Variants in LGALS9 observed in about 807,000 individuals in gnomAD.
The protein encoded by LGALS9 is galectin 9, also known as galectin-9.
A neutral mutation model predicts 35.9 loss-of-function variants in LGALS9; 26 were observed. The ratio of observed to expected loss-of-function variants is 0.72; its 90% CI spans 0.53 to 1.01. The LOEUF (loss-of-function observed/expected upper bound fraction) is 1.01. Ranked by LOEUF, LGALS9 falls within the 50% of genes least tolerant of loss-of-function variation. The probability of loss-of-function intolerance (pLI) is 0.00; values close to 1 mark genes in which losing one functional copy is unlikely to be tolerated. For missense variants in LGALS9, 347 were observed against 445.8 expected, an observed-to-expected ratio of 0.78 and a Z score of 1.99; for synonymous variants, 149 against 172.2, an observed-to-expected ratio of 0.87 and a Z score of 1.06.
chr17:27,643,760 G>T, intron 5 of LGALS9, 140 bp downstream of exon 5: 2 of 1,357,640 alleles, frequency 1.5e-6, no homozygotes, highest in Non-Finnish European at 2.0e-6. Context: ...GTCTCTGTCC[G>T]CTGGGCACCC....
chr17:27,642,620 A>T (rs1253654707), intron 4 of LGALS9, among the ~76,000 whole-genome samples: 4 of 151,932 alleles, frequency 2.6e-5, no homozygotes, highest in South Asian at 4.1e-4. Context: ...CCATCCTGGT[A>T]AGGAGGGCAT....
chr17:27,649,120 T>C lies in LGALS9; in HGVS notation c.*138T>C, dbSNP rs1905140502. ...ATGCAGAGGCCATGTCCTTGTCTGG[T>C]CCTGCTTCTGGCTACAGCCACCCTG... On this transcript the variant is annotated 3_prime_UTR_variant, in exon 11 of 11. Transcript: ENST00000395473. 6 of 1,390,942 alleles carry C rather than the reference T, an allele frequency of 4.3e-6. No homozygotes were observed. Among genetic ancestry groups the C allele is most frequent in the Non-Finnish European group, 4.9e-6 (5 of 1,015,282 alleles). The allele number at this position is 1,390,942 out of a possible 1,614,324, so 86.2% of individuals were successfully genotyped here.
intron 10 of LGALS9, among the ~76,000 whole-genome samples, chr17:27,648,480 CCT>C (rs1346636758): frequency 6.6e-6 from 1 of 151,994 alleles, no homozygotes; most frequent in East Asian, 1.9e-4. Flanking sequence ...ACATTTGTAC[CCT>C]GACTGCTTCG....
chr17:27,646,842 C>A (rs1279334075), intron 8 of LGALS9, among the ~76,000 whole-genome samples, 188 bp from the exon 9 acceptor site: 1 of 152,158 alleles, frequency 6.6e-6, no homozygotes, highest in Non-Finnish European at 1.5e-5. Flanking sequence ...TGTGTTTGGC[C>A]AAAGTTCCTT....
At chr17:27,642,969 G>A (rs1904634932) in intron 4 of LGALS9, among the ~76,000 whole-genome samples, 1 of 152,260 alleles carries the variant, frequency 6.6e-6, no homozygotes, top group African/African-American at 2.4e-5. Flanking sequence ...TCAAGAGGCT[G>A]AGGTGGGAGA....
intron 1 of LGALS9, among the ~76,000 whole-genome samples, chr17:27,636,991 T>C (rs1436936911): frequency 2.0e-5 from 3 of 152,106 alleles, no homozygotes; most frequent in Non-Finnish European, 4.4e-5. Context: ...CTCCCCCACC[T>C]GGCCATCTCA....
intron 2 of LGALS9, 141 bp from the exon 3 acceptor site, chr17:27,640,431 C>T (rs1427496534): frequency 8.0e-6 from 10 of 1,255,702 alleles, no homozygotes; most frequent in African/African-American, 3.0e-5. Flanking sequence ...AAAACAAAAA[C>T]GATGCCAACA....
At chr17:27,640,411 C>T in intron 2 of LGALS9, 161 bp from the exon 3 acceptor site, 1 of 1,055,870 alleles carries the variant, frequency 9.5e-7, no homozygotes, top group South Asian at 1.5e-5. Flanking sequence ...CACATTAGAT[C>T]CCAATTAGAA....
intron 10 of LGALS9, among the ~76,000 whole-genome samples, chr17:27,648,259 C>T (rs961486422): frequency 2.1e-4 from 32 of 152,220 alleles, no homozygotes; most frequent in African/African-American, 7.7e-4. Flanking sequence ...GAGCAACATA[C>T]TTTGATTTGT....
chr17:27,647,312 C>G lies in LGALS9; in HGVS notation c.801C>G (p.His267Gln). 1 of 1,614,186 alleles carries G rather than the reference C, an allele frequency of 6.2e-7. No homozygotes were observed. The highest frequency in any genetic ancestry group is 2.2e-5 in the East Asian group (1 of 44,880). Residue 267 changes from histidine (H) to glutamine (Q), a missense_variant, in exon 10 of 11, where the codon CAC becomes CAG. Coordinates refer to ENST00000395473, the MANE Select transcript of LGALS9 (RefSeq NM_009587.3). ...GCTCTGGGAACCACATCGCCTTCCA[C>G]CTGAACCCCCGTTTTGATGAGAATG... ...NLCSGNHIAF[H>Q]LNPRFDENAV...
intron 3 of LGALS9, chr17:27,641,032 T>C: frequency 1.5e-6 from 1 of 682,696 alleles, no homozygotes; most frequent in South Asian, 1.5e-5. Flanking sequence ...TATTTGGTGT[T>C]GTGTGTCTTT....
At chr17:27,646,225 A>C (rs1408703293) in intron 7 of LGALS9, among the ~76,000 whole-genome samples, 1 of 152,110 alleles carries the variant, frequency 6.6e-6, no homozygotes, top group Non-Finnish European at 1.5e-5. Flanking sequence ...CTGGCCCTGC[A>C]TCCTGGGTCC....
intron 1 of LGALS9, among the ~76,000 whole-genome samples, chr17:27,636,755 G>T (rs1272394362): frequency 1.3e-5 from 2 of 151,988 alleles, no homozygotes; most frequent in Non-Finnish European, 2.9e-5. Context: ...TTATAGATGT[G>T]AGCCACTGTG....
intron 10 of LGALS9, among the ~76,000 whole-genome samples, chr17:27,647,939 G>A (rs1000006507): frequency 7.2e-5 from 11 of 152,230 alleles, no homozygotes; most frequent in Admixed American, 1.3e-4. Context: ...GAGATAGAGC[G>A]AGCCTGGGAG....
intron 1 of LGALS9, among the ~76,000 whole-genome samples, chr17:27,637,972 C>T (rs969973427): frequency 2.0e-5 from 3 of 152,096 alleles, no homozygotes; most frequent in African/African-American, 7.2e-5. Flanking sequence ...CTGCTGCAGC[C>T]TCCACTGCCT....
chr17:27,648,894 T>G lies in LGALS9; in HGVS notation c.980T>G (p.Phe327Cys). 2 of 1,613,944 alleles carry G rather than the reference T, an allele frequency of 1.2e-6. No homozygotes were observed. The highest frequency in any genetic ancestry group is 1.7e-6 in the Non-Finnish European group (2 of 1,179,844). The part of the protein sequence containing the change: ...LKVAVDGQHL[F>C]EYYHRLRNLP... ...GTGGCCGTGGATGGTCAGCACCTGT[T>G]TGAATACTACCATCGCCTGAGGAAC... The change falls in exon 11 of 11, where the codon TTT becomes TGT. Residue 327 changes from phenylalanine to cysteine, a missense_variant. Coordinates refer to ENST00000395473, the MANE Select transcript of LGALS9 (RefSeq NM_009587.3).
At chr17:27,639,644 A>C (rs1365201735) in intron 2 of LGALS9, among the ~76,000 whole-genome samples, 1 of 152,122 alleles carries the variant, frequency 6.6e-6, no homozygotes, top group African/African-American at 2.4e-5. Flanking sequence ...ATCATAGCTC[A>C]CTGCAGCCTC....
At chr17:27,642,813 C>A (rs1782264003) in intron 4 of LGALS9, among the ~76,000 whole-genome samples, 1 of 152,194 alleles carries the variant, frequency 6.6e-6, no homozygotes, top group South Asian at 2.1e-4. Context: ...AGTGAGGAGA[C>A]AGATATCAGA....
chr17:27,646,886 A>G, intron 8 of LGALS9, 144 bp from the exon 9 acceptor site: 3 of 1,258,842 alleles, frequency 2.4e-6, no homozygotes, highest in Non-Finnish European at 3.3e-6. Context: ...TAATTTGAGG[A>G]GCACTGGAAA....
Sources: gnomAD v4.1 joint callset for allele counts (sites outside exome capture counted in the v4.1 genomes callset) on GRCh38, gnomAD v4.1.1 for gene constraint, MANE v1.5 for transcripts, NCBI Gene and HGNC (gene_info 2026-07-23, HGNC 2026-07-21) for gene names.